The following TMEM217B variants were observed in gnomAD, a reference collection of about 807,000 sequenced individuals.
TMEM217B encodes the protein transmembrane protein 217B.
the TMEM217B span, among the ~76,000 whole-genome samples, chr6:37,246,871 C>T: frequency 6.0e-5 from 9 of 149,604 alleles, no homozygotes; most frequent in Admixed American, 6.0e-4. Context: ...CCACTGCGTT[C>T]TAGCCTGGGC....
the TMEM217B span, chr6:37,218,184 T>TG: frequency 4.2e-5 from 50 of 1,186,190 alleles, no homozygotes; most frequent in African/African-American, 4.2e-4. Context: ...TTTTTTTTTT[T>TG]TGGGGGACAG....
chr6:37,229,340 T>G, the TMEM217B span, among the ~76,000 whole-genome samples: 1 of 123,060 alleles, frequency 8.1e-6, no homozygotes, highest in Admixed American at 8.3e-5. Flanking sequence ...TTTCAGTTTT[T>G]TTTTTTTTTT....
chr6:37,217,144 A>G, the TMEM217B span, among the ~76,000 whole-genome samples: 1 of 152,292 alleles, frequency 6.6e-6, no homozygotes, highest in East Asian at 1.9e-4. Flanking sequence ...AAATACAAAA[A>G]TTAGCCAGGC....
the TMEM217B span, among the ~76,000 whole-genome samples, chr6:37,226,858 AC>A: frequency 2.0e-5 from 3 of 152,072 alleles, no homozygotes; most frequent in Non-Finnish European, 4.4e-5. Context: ...GAGCCACGGC[AC>A]CCAGCCCAAG....
At chr6:37,236,628 G>C in the TMEM217B span, among the ~76,000 whole-genome samples, 1 of 151,288 alleles carries the variant, frequency 6.6e-6, no homozygotes, top group Admixed American at 6.6e-5. Flanking sequence ...CCAAGTCTCA[G>C]TTTGCTCATC....
At chr6:37,253,320 A>C in the TMEM217B span, among the ~76,000 whole-genome samples, 1 of 152,194 alleles carries the variant, frequency 6.6e-6, no homozygotes, top group African/African-American at 2.4e-5. Flanking sequence ...CTTTGTACAC[A>C]GAGATTTCCC....
chr6:37,231,097 T>C, the TMEM217B span, among the ~76,000 whole-genome samples: 1 of 152,036 alleles, frequency 6.6e-6, no homozygotes, highest in African/African-American at 2.4e-5. Context: ...AGTCTTACTC[T>C]GTCCCAGGCT....
chr6:37,221,053 T>C, the TMEM217B span, among the ~76,000 whole-genome samples: 1 of 152,160 alleles, frequency 6.6e-6, no homozygotes, highest in African/African-American at 2.4e-5. Context: ...CTAGAACTTT[T>C]TCATCTTGCA....
At chr6:37,253,569 T>G in the TMEM217B span, among the ~76,000 whole-genome samples, 1 of 152,208 alleles carries the variant, frequency 6.6e-6, no homozygotes, top group Non-Finnish European at 1.5e-5. Flanking sequence ...TGCTGTTAAA[T>G]CCCAGCTTGA....
At chr6:37,239,873 G>C in the TMEM217B span, among the ~76,000 whole-genome samples, 1 of 150,812 alleles carries the variant, frequency 6.6e-6, no homozygotes, top group African/African-American at 2.5e-5. Context: ...TGGGCAACAT[G>C]GTGAGACCCC....
the TMEM217B span, among the ~76,000 whole-genome samples, chr6:37,226,686 T>C: frequency 1.3e-5 from 2 of 152,194 alleles, no homozygotes; most frequent in South Asian, 2.1e-4. Flanking sequence ...CTCAGCCTCC[T>C]GAGTAGCTGG....
At chr6:37,229,487 C>T in the TMEM217B span, among the ~76,000 whole-genome samples, 2 of 151,822 alleles carry the variant, frequency 1.3e-5, no homozygotes, top group South Asian at 4.2e-4. Flanking sequence ...GGACTACAGG[C>T]GCCCGCCACC....
the TMEM217B span, among the ~76,000 whole-genome samples, chr6:37,252,631 ATATATATT>A: frequency 5.6e-3 from 436 of 77,214 alleles, no homozygotes; most frequent in African/African-American, 0.012. Flanking sequence ...ATATATATAT[ATATATATT>A]TTTTTTTTTT....
At chr6:37,243,857 T>C in the TMEM217B span, among the ~76,000 whole-genome samples, 1 of 152,180 alleles carries the variant, frequency 6.6e-6, no homozygotes, top group Non-Finnish European at 1.5e-5. Context: ...GGAAAACTCC[T>C]TGTGTGCTGA....
At chr6:37,245,804 CTTT>C in the TMEM217B span, among the ~76,000 whole-genome samples, 50 of 143,650 alleles carry the variant, frequency 3.5e-4, no homozygotes, top group Non-Finnish European at 3.4e-4. Flanking sequence ...TTCTTTCTTT[CTTT>C]TTTTTTTTTG....
At chr6:37,235,246 T>G in the TMEM217B span, among the ~76,000 whole-genome samples, 1 of 152,240 alleles carries the variant, frequency 6.6e-6, no homozygotes, top group African/African-American at 2.4e-5. Context: ...AATTCCATCT[T>G]GGAATGTTGG....
the TMEM217B span, chr6:37,218,264 G>A: frequency 1.6e-6 from 2 of 1,259,512 alleles, no homozygotes; most frequent in South Asian, 3.3e-5. Flanking sequence ...CCACCTCCCA[G>A]GTCAAGTGAT....
the TMEM217B span, chr6:37,219,036 G>C: frequency 1.1e-5 from 17 of 1,609,314 alleles, no homozygotes; most frequent in Non-Finnish European, 1.3e-5. Context: ...TTCATGCTGA[G>C]ACCTCCTGTG....
chr6:37,222,566 TGAAGTGGGAGGCCCAG>T, the TMEM217B span, among the ~76,000 whole-genome samples: 6 of 152,062 alleles, frequency 3.9e-5, no homozygotes, highest in Admixed American at 6.5e-5. Flanking sequence ...GCCTGCTCAG[TGAAGTGGGAGGCCCAG>T]GTCTGCAGCC....
Sources: gnomAD v4.1 joint callset for allele counts (sites outside exome capture counted in the v4.1 genomes callset) on GRCh38, gnomAD v4.1.1 for gene constraint, MANE v1.5 for transcripts, NCBI Gene and HGNC (gene_info 2026-07-23, HGNC 2026-07-21) for gene names.